DHRSX: variants seen among roughly 807,000 people sequenced by gnomAD.
DHRSX encodes dehydrogenase/reductase X-linked, also known as polyprenol dehydrogenase.
Under a neutral mutation model 34.0 loss-of-function variants are expected in DHRSX, and 31 were observed. The ratio of observed to expected loss-of-function variants is 0.91; its 90% CI spans 0.69 to 1.23. The LOEUF (loss-of-function observed/expected upper bound fraction) is 1.23. Among genes scored for constraint, DHRSX ranks in the 50% most tolerant of loss-of-function variants. The pLI is 0.00. For missense variants in DHRSX, 414 were observed against 428.1 expected (o/e 0.97, Z 0.29); for synonymous variants, 201 against 183.8 (o/e 1.09, Z -0.76).
intron 5 of DHRSX, among the ~76,000 whole-genome samples, chrX:2,250,976 G>A (rs184364251): frequency 2.0e-5 from 3 of 152,210 alleles, no homozygotes; most frequent in Non-Finnish European, 4.4e-5. Context: ...CCGGGAAATC[G>A]CAGCCTGCAG....
chrX:2,388,382 G>A lies in DHRSX; in HGVS notation c.286+20363C>T, dbSNP rs189650404. Among the ~76,000 whole-genome samples, 13 of 152,258 alleles carry A rather than the reference G, an allele frequency of 8.5e-5. No individual in the cohort carries two copies. The East Asian group carries it at 1.7e-3, about 20-fold the overall frequency. On this transcript the variant is annotated intron_variant, in intron 3 of 6. Transcript: ENST00000334651. Reference sequence around the variant, plus strand: ...AATTAAGGTAAAATGAGGTTTCAGGGGGTTGGGGGGAGGCTGATCCAATGG... The same window carrying A: ...AATTAAGGTAAAATGAGGTTTCAGGAGGTTGGGGGGAGGCTGATCCAATGG...
chrX:2,473,436 C>G (rs2044625092), intron 1 of DHRSX, among the ~76,000 whole-genome samples: 2 of 152,048 alleles, frequency 1.3e-5, no homozygotes, highest in Admixed American at 1.3e-4. Context: ...CCAGCATGAC[C>G]AACATGAAGA....
Position 2,483,373 on chromosome X carries a change from C to T in DHRSX, c.109+17444G>A, listed in dbSNP as rs575166502. 2.6e-4 allele frequency among the ~76,000 whole-genome samples: 39 copies of T among 152,252 alleles called. No individual in the cohort carries two copies. The South Asian group carries it at 7.7e-3, about 30-fold the overall frequency. ...CCAACTCCCAAGCTCAAGTGATCCT[C>T]CCACCTTCGCCTCCTGAGTAGCTGG... is the stretch of plus-strand genomic sequence containing the variant. On this transcript the variant is annotated intron_variant, in intron 1 of 6. Transcript: ENST00000334651.
At chrX:2,470,648 T>A (rs5983007) in intron 1 of DHRSX, among the ~76,000 whole-genome samples, 1 of 151,870 alleles carries the variant, frequency 6.6e-6, no homozygotes, top group African/African-American at 2.4e-5. Context: ...TGGAGGCTGC[T>A]GAGAGCTATG....
intron 4 of DHRSX, among the ~76,000 whole-genome samples, chrX:2,272,479 A>G (rs1403748973): frequency 6.6e-6 from 1 of 152,152 alleles, no homozygotes; most frequent in African/African-American, 2.4e-5. Context: ...GGCCATGCTC[A>G]TTAACTTTCT....
At chrX:2,275,930 G>C (rs2041626334) in intron 4 of DHRSX, among the ~76,000 whole-genome samples, 1 of 152,050 alleles carries the variant, frequency 6.6e-6, no homozygotes, top group Admixed American at 6.6e-5. Context: ...TGCAGCCTCT[G>C]CCTCCCGGGT....
chrX:2,441,030 G>C (rs2044056314), intron 1 of DHRSX, among the ~76,000 whole-genome samples: 1 of 152,132 alleles, frequency 6.6e-6, no homozygotes, highest in Non-Finnish European at 1.5e-5. Context: ...TACCGCCCAG[G>C]ATGCATGGAC....
intron 3 of DHRSX, among the ~76,000 whole-genome samples, chrX:2,396,691 CA>C (rs1267096433): frequency 6.6e-6 from 1 of 151,818 alleles, no homozygotes; most frequent in Non-Finnish European, 1.5e-5. Context: ...CTGCCTCTTC[CA>C]GCTCCTGGTA....
At chrX:2,455,937 A>T (rs1025403525) in intron 1 of DHRSX, among the ~76,000 whole-genome samples, 7 of 152,062 alleles carry the variant, frequency 4.6e-5, no homozygotes, top group African/African-American at 7.2e-5. Context: ...TAGAAGGTGC[A>T]TGCCTGCTCT....
At position 2,313,766 on chromosome X, in the gene DHRSX, C is replaced by A. The variant is rs763471535; in HGVS notation, c.287-22163G>T. On this transcript the variant is annotated intron_variant, in intron 3 of 6. Transcript: ENST00000334651. ...AGTGACCACGGCCCGTGACACAGCC[C>A]TCAGGAGATCCCGAGAACATGTACC... 2.6e-5 allele frequency among the ~76,000 whole-genome samples: 4 copies of A among 152,224 alleles called. No individual in the cohort carries two copies. In the East Asian group the frequency reaches 7.7e-4, roughly 29 times the overall value.
chrX:2,264,788 A>G (rs2041421152), intron 5 of DHRSX, among the ~76,000 whole-genome samples: 1 of 151,908 alleles, frequency 6.6e-6, no homozygotes, highest in African/African-American at 2.4e-5. Flanking sequence ...CAGCAGACAC[A>G]GGGAGCACCG....
chrX:2,346,846 G>C (rs1301667221), intron 3 of DHRSX, among the ~76,000 whole-genome samples: 3 of 151,722 alleles, frequency 2.0e-5, no homozygotes, highest in Non-Finnish European at 4.4e-5. Flanking sequence ...TCCCCTCCCT[G>C]TGTCCATGTG....
At chrX:2,224,862 GCATGCACACAGCTCA>G (rs1277353813) in intron 6 of DHRSX, among the ~76,000 whole-genome samples, 21 of 147,998 alleles carry the variant, frequency 1.4e-4, no homozygotes, top group African/African-American at 4.8e-4. Context: ...ACACAAATTC[GCATGCACACAGCTCA>G]CACGCACACA....
At chrX:2,488,455 A>G in intron 1 of DHRSX, 1 of 804,028 alleles carries the variant, frequency 1.2e-6, no homozygotes, top group Non-Finnish European at 1.9e-6. Context: ...GATTATAGAC[A>G]GGAGCCACCG....
Position 2,425,265 on chromosome X carries a change from C to G in DHRSX, c.149G>C (p.Gly50Ala). The change falls in exon 2 of 7, where the codon GGA becomes GCA. Residue 50 changes from glycine (G) to alanine (A), a missense_variant. Coordinates refer to ENST00000334651, the MANE Select transcript of DHRSX (RefSeq NM_145177.3). Reference protein sequence around the residue: ...PRPDRVAIVTGGTDGIGYSTA... With the variant: ...PRPDRVAIVTAGTDGIGYSTA... ...AGAATAGCCAATGCCATCTGTCCCTCCCGTCACTATAGCGACACGGTCAGG... is the reference window on the plus strand; with the variant it reads ...AGAATAGCCAATGCCATCTGTCCCTGCCGTCACTATAGCGACACGGTCAGG... The G allele has an allele frequency of 1.9e-6, 3 of 1,613,966 alleles. No individual in the cohort carries two copies. Among genetic ancestry groups the G allele is most frequent in the Non-Finnish European group, 2.5e-6 (3 of 1,179,862 alleles).
intron 5 of DHRSX, among the ~76,000 whole-genome samples, chrX:2,259,383 T>TAG (rs1234660489): frequency 2.7e-5 from 2 of 73,704 alleles, no homozygotes; most frequent in Non-Finnish European, 6.0e-5. Flanking sequence ...TAGATATATA[T>TAG]ATAGATATAT....
intron 1 of DHRSX, among the ~76,000 whole-genome samples, chrX:2,468,586 C>T (rs1389749744): frequency 2.6e-5 from 4 of 151,898 alleles, no homozygotes; most frequent in Non-Finnish European, 5.9e-5. Flanking sequence ...CATGTACACA[C>T]TGAAGACGTT....
intron 3 of DHRSX, among the ~76,000 whole-genome samples, chrX:2,313,519 C>A (rs1022305468): frequency 6.6e-6 from 1 of 152,014 alleles, no homozygotes; most frequent in Admixed American, 6.6e-5. Flanking sequence ...CAGGCAAGCG[C>A]CACCATGCCC....
chrX:2,291,635 T>C, intron 3 of DHRSX, 32 bp from the exon 4 acceptor site: 1 of 1,465,638 alleles, frequency 6.8e-7, no homozygotes, highest in Non-Finnish European at 9.6e-7. Context: ...AAATACCTGG[T>C]TATCTCCCAA....
Sources: gnomAD v4.1 joint callset for allele counts (sites outside exome capture counted in the v4.1 genomes callset) on GRCh38, gnomAD v4.1.1 for gene constraint, MANE v1.5 for transcripts, NCBI Gene and HGNC (gene_info 2026-07-23, HGNC 2026-07-21) for gene names.